Variants in VCL observed in about 807,000 individuals in gnomAD.
VCL encodes vinculin.
Under a neutral mutation model 125.7 loss-of-function variants are expected in VCL, and 47 were observed. That is an observed-to-expected ratio of 0.37 (90% confidence interval 0.30 to 0.48). The LOEUF (loss-of-function observed/expected upper bound fraction) is 0.48. Among genes scored for constraint, VCL ranks in the 20% least tolerant of loss-of-function variants. VCL has a pLI of 0.99. For synonymous variants in VCL, 458 were observed against 514.6 expected (o/e 0.89, Z 1.49); for missense variants, 1,069 against 1,455.5 (o/e 0.73, Z 4.32).
intron 6 of VCL, chr10:74,076,104 G>A (rs1191771359): frequency 3.9e-5 from 6 of 152,056 alleles, no homozygotes; most frequent in Non-Finnish European, 1.5e-5. Flanking sequence ...TTTTTCTCAC[G>A]TTTAGAAGGT....
chr10:74,060,516 C>T (rs1841463118), intron 2 of VCL, among the ~76,000 whole-genome samples: 1 of 151,506 alleles, frequency 6.6e-6, no homozygotes, highest in African/African-American at 2.4e-5. Context: ...ATTAGCTGGG[C>T]ATAGTGGCGC....
Position 74,009,404 on chromosome 10 carries a change from G to A in VCL, c.168+11029G>A, listed in dbSNP as rs567039508. The stretch of plus-strand genomic sequence containing the variant: ...CTCCCGAGTAGCTGGGACTACAGGC[G>A]CCTGCCACCACGCCCGGCTAATTTT... On this transcript the variant is annotated intron_variant, in intron 1 of 21. Transcript: ENST00000211998. Among the ~76,000 whole-genome samples, 59 of 149,302 alleles carry A rather than the reference G, an allele frequency of 4.0e-4. 1 individual carries two copies. Among genetic ancestry groups the A allele is most frequent in the Admixed American group, 5.3e-4 (8 of 14,988 alleles).
chr10:74,074,872 C>T lies in VCL; in HGVS notation c.752C>T (p.Thr251Ile). The T allele has an allele frequency of 1.2e-6, 2 of 1,614,096 alleles. No homozygotes were observed. The highest frequency in any genetic ancestry group is 2.2e-5 in the East Asian group (1 of 44,874). Reference protein sequence around the residue: ...INEIIRVLQLTSWDEDAWASK... With the variant: ...INEIIRVLQLISWDEDAWASK... The stretch of plus-strand genomic sequence containing the variant: ...GAGATAATTCGTGTGTTACAACTCA[C>T]CTCTTGGGATGAAGATGCCTGGGCC... The change falls in exon 6 of 22, where the codon ACC (threonine) becomes ATC (isoleucine). Residue 251 changes from threonine (T) to isoleucine (I), a missense_variant. Physicochemically the swap from Thr to Ile is moderately conservative, Grantham distance 89. This residue lies in a region of VCL where 760 missense variants were observed against 928.9 expected (regional missense o/e 0.82). Transcript: ENST00000211998.
chr10:74,089,995 C>T (rs930590936), intron 9 of VCL, 28 bp from the exon 10 acceptor site: 33 of 1,614,026 alleles, frequency 2.0e-5, no homozygotes, highest in Middle Eastern at 3.3e-4. Context: ...TAGATCACAG[C>T]GTGCTGCTTC....
In VCL at chr10:74,083,399, T is replaced by C; in HGVS notation, c.908T>C (p.Leu303Ser). The change falls in exon 8 of 22, where the codon TTA becomes TCA. Residue 303 changes from leucine (L) to serine (S), a missense_variant. By Grantham distance (145) the Leu-to-Ser change is moderately radical. Transcript: ENST00000211998. Reference sequence around the variant, plus strand: ...GGTGAGCAGGCCATCAGACAGATCTTAGATGAAGCTGGAAAAGTTGGTGAA... The same window carrying C: ...GGTGAGCAGGCCATCAGACAGATCTCAGATGAAGCTGGAAAAGTTGGTGAA... ...DAGEQAIRQI[L>S]DEAGKVGELC... 6.2e-7 allele frequency: 1 copy of C among 1,614,148 alleles called. No homozygotes were observed. Among genetic ancestry groups the C allele is most frequent in the South Asian group, 1.1e-5 (1 of 91,084 alleles).
intron 2 of VCL, among the ~76,000 whole-genome samples, chr10:74,059,108 C>T (rs1841433784): frequency 6.6e-6 from 1 of 152,148 alleles, no homozygotes; most frequent in Non-Finnish European, 1.5e-5. Flanking sequence ...CGGTGGCTCA[C>T]ACCTGTAATC....
intron 1 of VCL, among the ~76,000 whole-genome samples, chr10:74,018,201 T>TATATATATATATATATAA (rs1433937715): frequency 1.4e-4 from 19 of 139,790 alleles, no homozygotes; most frequent in African/African-American, 2.1e-4. Flanking sequence ...TATATATATA[T>TATATATATATATATATAA]AAATACATAT....
chr10:74,066,500 G>A (rs1841573053), intron 2 of VCL, among the ~76,000 whole-genome samples: 1 of 151,994 alleles, frequency 6.6e-6, no homozygotes, highest in African/African-American at 2.4e-5. Flanking sequence ...TCCAATATAG[G>A]CAGAACTCAA....
intron 1 of VCL, among the ~76,000 whole-genome samples, chr10:74,030,466 A>C (rs1351841478): frequency 6.6e-6 from 1 of 152,238 alleles, no homozygotes; most frequent in Non-Finnish European, 1.5e-5. Context: ...CAAGAAGAGC[A>C]CATTTATTAA....
intron 10 of VCL, among the ~76,000 whole-genome samples, chr10:74,093,797 CCT>C (rs1278628095): frequency 6.6e-6 from 1 of 152,018 alleles, no homozygotes; most frequent in African/African-American, 2.4e-5. Context: ...GAGCAAAACC[CCT>C]CTCAAAACAA....
chr10:74,065,700 A>G (rs1293723120), intron 2 of VCL, among the ~76,000 whole-genome samples: 1 of 151,978 alleles, frequency 6.6e-6, no homozygotes, highest in African/African-American at 2.4e-5. Context: ...AAAAAAGAAA[A>G]AAAAAGCAAG....
intron 17 of VCL, 148 bp from the exon 18 acceptor site, chr10:74,108,823 A>G: frequency 1.2e-6 from 1 of 834,128 alleles, no homozygotes; most frequent in East Asian, 2.5e-5. Flanking sequence ...TTGAGATTGA[A>G]GCAGGTGGTC....
intron 1 of VCL, among the ~76,000 whole-genome samples, chr10:74,031,518 G>C (rs1840872779): frequency 6.6e-6 from 1 of 152,110 alleles, no homozygotes; most frequent in Non-Finnish European, 1.5e-5. Flanking sequence ...ATAAAACATG[G>C]GAGTAAATCT....
intron 2 of VCL, among the ~76,000 whole-genome samples, chr10:74,052,624 A>G (rs1055446733): frequency 6.6e-6 from 1 of 151,872 alleles, no homozygotes; most frequent in Non-Finnish European, 1.5e-5. Flanking sequence ...TGATCTGCTC[A>G]CCTTGGCCTA....
At chr10:74,117,036 A>T (rs777922033) in intron 21 of VCL, among the ~76,000 whole-genome samples, 38 of 152,214 alleles carry the variant, frequency 2.5e-4, no homozygotes, top group Non-Finnish European at 5.6e-4. Context: ...TCTATGGTAG[A>T]GTACCAATGT....
chr10:74,003,635 A>G (rs972202788), intron 1 of VCL, among the ~76,000 whole-genome samples: 4 of 152,072 alleles, frequency 2.6e-5, no homozygotes, highest in Admixed American at 6.6e-5. Flanking sequence ...CCTCACTTGT[A>G]TATCATATGT....
rs559585184 is a variant in VCL, at chr10:74,075,230, T to C, written c.783+327T>C. 2.4e-5 allele frequency: 7 copies of C among 292,314 alleles called. No homozygotes were observed. In the South Asian group the frequency reaches 3.4e-4, roughly 14 times the overall value. The allele number at this position is 292,314 out of a possible 1,614,324, so 18.1% of individuals were successfully genotyped here. On this transcript the variant is annotated intron_variant, in intron 6 of 21. Transcript: ENST00000211998. ...CCGTGGATGGGAGCTCTGCCTTGTA[T>C]ATGGGTGGTTCTTCCCAGCTGACTA...
chr10:74,058,512 G>A (rs1484863179), intron 2 of VCL, among the ~76,000 whole-genome samples: 1 of 151,726 alleles, frequency 6.6e-6, no homozygotes, highest in Non-Finnish European at 1.5e-5. Flanking sequence ...AGGCTATACT[G>A]TCTAAGATCA....
chr10:74,097,201 A>C lies in VCL; in HGVS notation c.1744-3A>C. 1.2e-6 allele frequency: 2 copies of C among 1,613,628 alleles called. No homozygotes were observed. Among genetic ancestry groups the C allele is most frequent in the Non-Finnish European group, 1.7e-6 (2 of 1,179,726 alleles). ...ATTTTCATATGTAAACAATGTTTTT[A>C]AGGATCTAAAAGCTCGGATGCAGGA... On this transcript the variant is annotated splice_polypyrimidine_tract_variant and splice_region_variant and intron_variant, in intron 12 of 21. Transcript: ENST00000211998. This position sits in a 1 kb window ranked among gnomAD's most constrained non-coding sequence, Gnocchi z 4.1.
Sources: allele counts gnomAD v4.1 joint callset (sites outside exome capture counted in the v4.1 genomes callset), GRCh38; gene constraint gnomAD v4.1.1; regional missense constraint gnomAD v4.1.1; non-coding constraint Gnocchi (gnomAD v3.1); transcripts MANE v1.5; gene names NCBI Gene and HGNC (gene_info 2026-07-23, HGNC 2026-07-21).